Variants in CCDC141 observed in about 807,000 individuals in gnomAD.
The protein encoded by CCDC141 is coiled-coil domain containing 141.
In CCDC141, 168 loss-of-function variants were observed where a neutral mutation model predicts 181.0. The observed-to-expected ratio is 0.93, with a 90% CI of 0.82 to 1.05. The LOEUF (loss-of-function observed/expected upper bound fraction) is 1.05, where lower values mean the gene tolerates loss of function less well. Among genes scored for constraint, CCDC141 ranks in the 50% least tolerant of loss-of-function variants. The pLI is 0.00. For synonymous variants in CCDC141, 666 were observed against 642.3 expected (o/e 1.04, Z -0.56); for missense variants, 1,902 against 1,788.5 (o/e 1.06, Z -1.14).
chr2:178,943,808 G>A (rs1689619372), intron 6 of CCDC141, among the ~76,000 whole-genome samples: 2 of 152,106 alleles, frequency 1.3e-5, no homozygotes, highest in Admixed American at 6.6e-5. Context: ...ACACAATGGA[G>A]AGAAGGTCAA....
chr2:178,966,343 G>A (rs1434218557), intron 4 of CCDC141, among the ~76,000 whole-genome samples: 1 of 152,206 alleles, frequency 6.6e-6, no homozygotes, highest in Admixed American at 6.5e-5. Flanking sequence ...CCAGTAGGGG[G>A]TGACAGACAC....
chr2:178,983,943 C>G (rs1225246411), intron 2 of CCDC141, among the ~76,000 whole-genome samples: 1 of 149,952 alleles, frequency 6.7e-6, no homozygotes, highest in Non-Finnish European at 1.5e-5. Context: ...GGCCAACGTT[C>G]AGATTCAGGA....
At chr2:178,944,112 A>G (rs1689632372) in intron 6 of CCDC141, among the ~76,000 whole-genome samples, 1 of 152,212 alleles carries the variant, frequency 6.6e-6, no homozygotes, top group Admixed American at 6.5e-5. Flanking sequence ...GACAAAACCT[A>G]GAACTGAATT....
At chr2:179,036,576 G>T in intron 2 of CCDC141, among the ~76,000 whole-genome samples, 1 of 152,218 alleles carries the variant, frequency 6.6e-6, no homozygotes, top group South Asian at 2.1e-4. Flanking sequence ...GCCAAGCGAG[G>T]CAGGGAAAGT....
chr2:179,019,644 C>G (rs1474253768), intron 2 of CCDC141, among the ~76,000 whole-genome samples: 1 of 152,104 alleles, frequency 6.6e-6, no homozygotes, highest in Admixed American at 6.6e-5. Context: ...TAGTAGGAAA[C>G]TACACTTTAA....
chr2:178,826,480 G>A (rs1208007475), downstream of CCDC141, among the ~76,000 whole-genome samples: 1 of 152,108 alleles, frequency 6.6e-6, no homozygotes, highest in Admixed American at 6.5e-5. Context: ...TCTATTTTCT[G>A]GAAGAGACTG....
At chr2:179,036,941 T>C (rs1476227511) in intron 2 of CCDC141, among the ~76,000 whole-genome samples, 2 of 152,364 alleles carry the variant, frequency 1.3e-5, no homozygotes, top group African/African-American at 4.8e-5. Context: ...ATATATGCTG[T>C]TATTACTGGT....
At chr2:179,024,996 T>A (rs760366157) in intron 2 of CCDC141, among the ~76,000 whole-genome samples, 1 of 152,210 alleles carries the variant, frequency 6.6e-6, no homozygotes, top group Non-Finnish European at 1.5e-5. Context: ...TTTATTTTTT[T>A]AAGTTCCTCA....
chr2:178,838,994 C>T (rs1684605611), intron 22 of CCDC141, among the ~76,000 whole-genome samples: 1 of 152,198 alleles, frequency 6.6e-6, no homozygotes, highest in East Asian at 1.9e-4. Context: ...TGCCTACTTA[C>T]TTAGTATGTA....
At chr2:178,887,511 A>G (rs912294192) in intron 9 of CCDC141, among the ~76,000 whole-genome samples, 2 of 152,138 alleles carry the variant, frequency 1.3e-5, no homozygotes, top group Non-Finnish European at 2.9e-5. Flanking sequence ...CCCAGACTCA[A>G]ATTGGCTCCA....
intron 2 of CCDC141, among the ~76,000 whole-genome samples, chr2:178,981,740 A>C (rs1691424140): frequency 6.8e-6 from 1 of 147,760 alleles, no homozygotes; most frequent in South Asian, 2.1e-4. Context: ...TTTTTACCAT[A>C]GGAACTAGAG....
At chr2:179,044,180 T>C (rs561290433) in intron 2 of CCDC141, among the ~76,000 whole-genome samples, 6 of 152,320 alleles carry the variant, frequency 3.9e-5, no homozygotes, top group African/African-American at 1.4e-4. Flanking sequence ...TGGAAGAACA[T>C]TCCATGCTCG....
chr2:178,903,849 T>C (rs1276962893), intron 8 of CCDC141, among the ~76,000 whole-genome samples: 1 of 151,356 alleles, frequency 6.6e-6, no homozygotes, highest in African/African-American at 2.4e-5. Flanking sequence ...ACCAGAGAAA[T>C]AACATCTGTC....
chr2:178,941,745 G>A (rs753118591), intron 6 of CCDC141, among the ~76,000 whole-genome samples: 1 of 151,130 alleles, frequency 6.6e-6, no homozygotes, highest in Non-Finnish European at 1.5e-5. Context: ...TTGAGGCCAG[G>A]AGTTCATAAC....
intron 2 of CCDC141, among the ~76,000 whole-genome samples, chr2:179,014,579 A>C (rs2042370668): frequency 6.6e-6 from 1 of 152,250 alleles, no homozygotes; most frequent in East Asian, 1.9e-4. Context: ...CAGCAAGAAA[A>C]AAACAAACAA....
intron 2 of CCDC141, among the ~76,000 whole-genome samples, chr2:179,015,087 T>TCATATCATATATG (rs1553502729): frequency 2.2e-5 from 1 of 46,310 alleles, no homozygotes; most frequent in African/African-American, 6.8e-5. Flanking sequence ...TATATATATA[T>TCATATCATATATG]ATATATATAT....
intron 2 of CCDC141, among the ~76,000 whole-genome samples, chr2:178,986,754 G>T (rs368946547): frequency 3.4e-4 from 52 of 151,868 alleles, no homozygotes; most frequent in East Asian, 9.7e-4. Context: ...GGAATCCAAC[G>T]TACAAGGGAT....
Position 178,944,693 on chromosome 2 carries a change from CA to C in CCDC141, c.781-43del, listed in dbSNP as rs1226588238. The C allele has an allele frequency of 3.3e-6, 3 of 922,466 alleles. No homozygotes were observed. In the African/African-American group the frequency reaches 5.0e-5, roughly 16 times the overall value. The allele number at this position is 922,466 out of a possible 1,614,324, so 57.1% of individuals were successfully genotyped here. ...AAAGAAAGATCAAAATTCAAATGAT[CA>C]GAATAAGTGAGTAAAAATTCAGAAA... On this transcript the variant is annotated intron_variant, in intron 5 of 23. Transcript: ENST00000443758.
intron 7 of CCDC141, among the ~76,000 whole-genome samples, chr2:178,914,076 T>A (rs1023116412): frequency 6.6e-6 from 1 of 152,230 alleles, no homozygotes; most frequent in Non-Finnish European, 1.5e-5. Flanking sequence ...TAGCTTGTTT[T>A]CTGTGAACAC....
Sources: gnomAD v4.1 joint callset for allele counts (sites outside exome capture counted in the v4.1 genomes callset) on GRCh38, gnomAD v4.1.1 for gene constraint, MANE v1.5 for transcripts, NCBI Gene and HGNC (gene_info 2026-07-23, HGNC 2026-07-21) for gene names.